Variants in SCMH1 observed in about 807,000 individuals in gnomAD.
The protein encoded by SCMH1 is polycomb protein SCMH1.
A neutral mutation model predicts 70.8 loss-of-function variants in SCMH1; 37 were observed. The ratio of observed to expected loss-of-function variants is 0.52; its 90% CI spans 0.40 to 0.69. The LOEUF (loss-of-function observed/expected upper bound fraction) is 0.69, where lower values mean the gene tolerates loss of function less well. Ranked by LOEUF, SCMH1 falls within the 30% of genes least tolerant of loss-of-function variation. The pLI is 0.00. For missense variants in SCMH1, 607 were observed against 827.3 expected (o/e 0.73, Z 3.27); for synonymous variants, 292 against 307.4 (o/e 0.95, Z 0.52).
chr1:41,193,564 T>C (rs1315427725), intron 1 of SCMH1, among the ~76,000 whole-genome samples: 2 of 152,138 alleles, frequency 1.3e-5, no homozygotes, highest in Non-Finnish European at 2.9e-5. Flanking sequence ...GAGATGAAGT[T>C]GAGCTAGGAT....
intron 4 of SCMH1, among the ~76,000 whole-genome samples, chr1:41,158,971 T>C (rs1475947241): frequency 6.6e-6 from 1 of 152,094 alleles, no homozygotes; most frequent in Non-Finnish European, 1.5e-5. Flanking sequence ...AATAAATATG[T>C]CTAAATATGA....
chr1:41,091,188 T>C (rs948900481), intron 8 of SCMH1, among the ~76,000 whole-genome samples: 1 of 152,104 alleles, frequency 6.6e-6, no homozygotes, highest in African/African-American at 2.4e-5. Flanking sequence ...TTATACATCA[T>C]GATCAAGCTG....
At chr1:41,108,854 T>G (rs1031189292) in intron 8 of SCMH1, among the ~76,000 whole-genome samples, 1 of 152,210 alleles carries the variant, frequency 6.6e-6, no homozygotes, top group Admixed American at 6.5e-5. Context: ...CTAGGGATCA[T>G]GTAGTTCAGC....
chr1:41,034,101 T>C (rs1644943781), intron 13 of SCMH1, 53 bp from the exon 14 acceptor site: 2 of 1,564,436 alleles, frequency 1.3e-6, no homozygotes, highest in Admixed American at 1.9e-5. Context: ...ATGAGGAACA[T>C]TCTGCATATG....
chr1:41,035,894 G>A (rs1458605101), intron 13 of SCMH1, among the ~76,000 whole-genome samples: 5 of 152,128 alleles, frequency 3.3e-5, no homozygotes, highest in African/African-American at 1.2e-4. Context: ...CCCACTAATG[G>A]TGGAATCCAA....
chr1:41,160,900 T>C lies in SCMH1; in HGVS notation c.83-2A>G. ...CTAGATCCAGGATGTCAGCAGCTTC[T>C]AGTAAAGAAAAAAATGTTGGAGCAT... On this transcript the variant is annotated splice_acceptor_variant, in intron 3 of 14. Coordinates refer to ENST00000337495, the Ensembl canonical transcript of SCMH1. LOFTEE classifies it high-confidence loss of function. The C allele has an allele frequency of 6.5e-7, 1 of 1,550,124 alleles. No homozygotes were observed.
chr1:41,200,904 A>T (rs1654207731), intron 1 of SCMH1, among the ~76,000 whole-genome samples: 1 of 151,526 alleles, frequency 6.6e-6, no homozygotes, highest in South Asian at 2.1e-4. Flanking sequence ...CTTTGCGGAC[A>T]GATAAGAGAT....
At chr1:41,151,152 C>G (rs1458357601) in intron 5 of SCMH1, among the ~76,000 whole-genome samples, 1 of 152,126 alleles carries the variant, frequency 6.6e-6, no homozygotes, top group South Asian at 2.1e-4. Flanking sequence ...TTACTTAATC[C>G]TTCTGGGAAA....
chr1:41,035,530 T>G (rs1221689650), intron 13 of SCMH1, among the ~76,000 whole-genome samples: 1 of 152,092 alleles, frequency 6.6e-6, no homozygotes, highest in Non-Finnish European at 1.5e-5. Context: ...TCCTAACCCC[T>G]TCCCTGACCA....
chr1:41,028,813 C>G (rs538131913), intron 13 of SCMH1, 87 bp from the exon 15 acceptor site: 106 of 1,428,854 alleles, frequency 7.4e-5, no homozygotes, highest in Middle Eastern at 7.2e-4. Context: ...CAGTGGCCTT[C>G]TAGGTGATGC....
chr1:41,150,245 G>C (rs922557752), intron 5 of SCMH1, among the ~76,000 whole-genome samples: 2 of 152,200 alleles, frequency 1.3e-5, no homozygotes, highest in African/African-American at 4.8e-5. Context: ...GCTCACACCT[G>C]TAATCCCACC....
chr1:41,028,691 G>C, exon 14 of SCMH1: 1 of 1,614,142 alleles, frequency 6.2e-7, no homozygotes, highest in Non-Finnish European at 8.5e-7. Flanking sequence ...CCACTCAGTC[G>C]AGAGGCATCG....
intron 8 of SCMH1, among the ~76,000 whole-genome samples, chr1:41,099,997 G>A (rs956728104): frequency 1.3e-5 from 2 of 152,036 alleles, no homozygotes; most frequent in South Asian, 4.2e-4. Flanking sequence ...GGTCTAGCCT[G>A]GTGACCTACA....
chr1:41,170,702 C>T (rs1572807428), intron 2 of SCMH1, among the ~76,000 whole-genome samples: 1 of 152,176 alleles, frequency 6.6e-6, no homozygotes, highest in Non-Finnish European at 1.5e-5. Flanking sequence ...TATTTCTTTG[C>T]TCTCCTTCAC....
chr1:41,160,695 T>C (rs1229276685), intron 4 of SCMH1, among the ~76,000 whole-genome samples, 180 bp downstream of exon 4: 3 of 152,176 alleles, frequency 2.0e-5, no homozygotes, highest in African/African-American at 7.2e-5. Flanking sequence ...TAAGCAGGAC[T>C]TGATGTGACA....
intron 10 of SCMH1, among the ~76,000 whole-genome samples, chr1:41,054,500 C>T (rs1488304392): frequency 2.6e-5 from 4 of 152,196 alleles, no homozygotes; most frequent in East Asian, 3.9e-4. Context: ...GAAAGGATTT[C>T]GACTCTAGAA....
chr1:41,119,207 T>C (rs1452844074), intron 6 of SCMH1, among the ~76,000 whole-genome samples: 1 of 152,036 alleles, frequency 6.6e-6, no homozygotes, highest in Non-Finnish European at 1.5e-5. Context: ...CAACTGTAAT[T>C]AAAGTTAGGA....
At chr1:41,188,459 C>T (rs1205260598) in intron 1 of SCMH1, among the ~76,000 whole-genome samples, 1 of 152,162 alleles carries the variant, frequency 6.6e-6, no homozygotes, top group Non-Finnish European at 1.5e-5. Flanking sequence ...CCACATGTGG[C>T]TATTTAGGAC....
intron 10 of SCMH1, among the ~76,000 whole-genome samples, chr1:41,060,008 G>GAA (rs67619506): frequency 7.2e-6 from 1 of 138,994 alleles, no homozygotes. Context: ...AAAAAAGACT[G>GAA]AAAAAAAAAA....
Sources: gnomAD v4.1 joint callset for allele counts (sites outside exome capture counted in the v4.1 genomes callset) on GRCh38, gnomAD v4.1.1 for gene constraint, MANE v1.5 for transcripts, NCBI Gene and HGNC (gene_info 2026-07-23, HGNC 2026-07-21) for gene names.